PSORS1C1: variants seen among roughly 807,000 people sequenced by gnomAD.
The protein encoded by PSORS1C1 is psoriasis susceptibility 1 candidate 1, also known as psoriasis susceptibility 1 candidate gene 1 protein.
A neutral mutation model predicts 9.4 loss-of-function variants in PSORS1C1; 7 were observed. That is an observed-to-expected ratio of 0.75 (90% confidence interval 0.42 to 1.40). PSORS1C1 has a LOEUF of 1.40. Ranked by LOEUF, PSORS1C1 falls within the 40% of genes most tolerant of loss-of-function variation. PSORS1C1 has a pLI of 0.01. For synonymous variants in PSORS1C1, 63 were observed against 69.4 expected, an observed-to-expected ratio of 0.91 and a Z score of 0.46; for missense variants, 146 against 178.1, an observed-to-expected ratio of 0.82 and a Z score of 1.02.
rs1222664896 is a variant in PSORS1C1, at chr6:31,139,381, T to C, written c.168-260T>C. The C allele has an allele frequency of 3.4e-6, 2 of 591,226 alleles. No individual in the cohort carries two copies. Among genetic ancestry groups the C allele is most frequent in the East Asian group, 2.8e-5 (1 of 36,048 alleles). The allele number at this position is 591,226 out of a possible 1,614,324, so 36.6% of individuals were successfully genotyped here. On this transcript the variant is annotated intron_variant, in intron 5 of 5. Coordinates refer to ENST00000259881, the MANE Select transcript of PSORS1C1 (RefSeq NM_014068.3). This position sits in a 1 kb window ranked among gnomAD's most constrained non-coding sequence, Gnocchi z 5.2. ...TGTCCACCTTCATCCCTTGCAACTA[T>C]TGGAAGCCAAAGAATGGGAGCAAAC...
At chr6:31,116,914 G>A (rs202140058) in intron 1 of PSORS1C1, 4 of 1,614,134 alleles carry the variant, frequency 2.5e-6, no homozygotes, top group African/African-American at 2.7e-5. Flanking sequence ...GCCGGAGTGC[G>A]AGACGATGGG....
chr6:31,138,144 C>T, intron 3 of PSORS1C1: 1 of 1,605,720 alleles, frequency 6.2e-7, no homozygotes, highest in Non-Finnish European at 8.5e-7. Flanking sequence ...CAGGTCTCTC[C>T]AGGGACGACT....
chr6:31,132,316 G>A (rs1772953487), intron 3 of PSORS1C1, among the ~76,000 whole-genome samples: 1 of 152,204 alleles, frequency 6.6e-6, no homozygotes, highest in South Asian at 2.1e-4. Flanking sequence ...GAGGTCAGGA[G>A]TTTGAGACCA....
At chr6:31,132,498 G>C (rs13204986) in intron 3 of PSORS1C1, among the ~76,000 whole-genome samples, 17,799 of 144,658 alleles carry the variant, frequency 0.12, 1,166 homozygotes, top group Middle Eastern at 0.24. Context: ...TTCCAGTCTG[G>C]GCAACGAGAG....
At chr6:31,134,330 T>A (rs1040193011) in intron 3 of PSORS1C1, among the ~76,000 whole-genome samples, 2 of 150,698 alleles carry the variant, frequency 1.3e-5, no homozygotes, top group Non-Finnish European at 3.0e-5. Context: ...TGAGATGGAG[T>A]CTCGCTCTGT....
intron 1 of PSORS1C1, chr6:31,117,489 A>C: frequency 6.4e-7 from 1 of 1,552,188 alleles, no homozygotes; most frequent in Non-Finnish European, 8.7e-7. Flanking sequence ...TGGGGTCCTT[A>C]CAAGGGTCTG....
intron 1 of PSORS1C1, chr6:31,117,183 G>C (rs1456102487): frequency 1.2e-6 from 2 of 1,611,744 alleles, no homozygotes; most frequent in Non-Finnish European, 1.7e-6. Flanking sequence ...AGTGAGAGCC[G>C]CTGTTTCCCG....
In PSORS1C1 at chr6:31,120,464, C is replaced by T. The variant is rs2302397; in HGVS notation, c.-228-5212C>T. The T allele has an allele frequency of 0.74, 1,089,420 of 1,469,224 alleles. 405,680 individuals are homozygous for T. Among genetic ancestry groups the T allele is most frequent in the South Asian group, 0.83 (68,151 of 82,558 alleles). 91.0% of individuals were successfully genotyped at this position (1,469,224 alleles called of 1,614,324 possible). Reference sequence around the variant, plus strand: ...TGACTGATGGCAGCTCAAGGACACCCGGGTCCTTTATGCCAGAGCTGGACA... The same window carrying T: ...TGACTGATGGCAGCTCAAGGACACCTGGGTCCTTTATGCCAGAGCTGGACA... On this transcript the variant is annotated intron_variant, in intron 1 of 5. Transcript: ENST00000259881.
intron 4 of PSORS1C1, 49 bp downstream of exon 4, chr6:31,138,508 C>G: frequency 6.2e-7 from 1 of 1,607,680 alleles, no homozygotes; most frequent in Non-Finnish European, 8.5e-7. Context: ...GAACCCCTAC[C>G]CCCGATGGAT....
At chr6:31,137,469 C>G (rs1424754423) in intron 3 of PSORS1C1, 1 of 155,622 alleles carries the variant, frequency 6.4e-6, no homozygotes, top group Admixed American at 6.5e-5. Flanking sequence ...AAGAAAAAAA[C>G]AAATAAATAA....
chr6:31,136,718 AC>A (rs1773156217), intron 3 of PSORS1C1, among the ~76,000 whole-genome samples: 1 of 152,192 alleles, frequency 6.6e-6, no homozygotes, highest in African/African-American at 2.4e-5. Context: ...TGTTATTGTG[AC>A]TTGCATAGTG....
chr6:31,129,428 C>T lies in PSORS1C1; in HGVS notation c.-64-141C>T. The T allele has an allele frequency of 5.0e-6, 3 of 596,100 alleles. No homozygotes were observed. In the South Asian group the frequency reaches 5.8e-5, roughly 12 times the overall value. The allele number at this position is 596,100 out of a possible 1,614,324, so 36.9% of individuals were successfully genotyped here. A position where few individuals can be genotyped will look rare whatever the true frequency, so the allele number is the denominator to read the frequency against. On this transcript the variant is annotated intron_variant, in intron 2 of 5. Transcript: ENST00000259881. The stretch of plus-strand genomic sequence containing the variant: ...CCTCTGCAAATACCTCCATACCATC[C>T]AGGCCCACTCAGTCTCCTCCCCAGC...
At position 31,139,663 on chromosome 6, in the gene PSORS1C1, A is replaced by G. The variant is rs770578502; in HGVS notation, c.190A>G (p.Met64Val). The change falls in exon 6 of 6, where the codon ATG (methionine) becomes GTG (valine). Residue 64 changes from methionine (M) to valine (V), a missense_variant. Physicochemically the swap from Met to Val is conservative, Grantham distance 21. Coordinates refer to ENST00000259881, the MANE Select transcript of PSORS1C1 (RefSeq NM_014068.3). This position sits in a 1 kb window ranked among gnomAD's most constrained non-coding sequence, Gnocchi z 5.2. ...CAGGCATGCAGGGGACCTCCAAGCA[A>G]TGATATCCAAGGAATTCCATCTGGC... ...HFWHAGDLQA[M>V]ISKEFHLAAT... The G allele has an allele frequency of 3.1e-6, 5 of 1,612,570 alleles. No individual in the cohort carries two copies. The highest frequency in any genetic ancestry group is 4.2e-6 in the Non-Finnish European group (5 of 1,179,664).
chr6:31,121,947 T>G (rs1218887728), intron 1 of PSORS1C1, among the ~76,000 whole-genome samples: 1 of 152,218 alleles, frequency 6.6e-6, no homozygotes, highest in African/African-American at 2.4e-5. Context: ...GCTCTTGACT[T>G]GCTAGTGACA....
chr6:31,116,771 G>A lies in PSORS1C1; in HGVS notation c.-229+1880G>A, dbSNP rs564806482. ...TCTACAGAGGTGATTGGGGGACAGG[G>A]CTTGCCTGGAAGGCCACCATTGCTA... On this transcript the variant is annotated intron_variant, in intron 1 of 5. Transcript: ENST00000259881. The A allele has an allele frequency of 1.2e-5, 20 of 1,613,226 alleles. No individual in the cohort carries two copies. The East Asian group carries it at 3.6e-4, about 29-fold the overall frequency.
intron 1 of PSORS1C1, chr6:31,117,603 G>A: frequency 7.5e-7 from 1 of 1,331,044 alleles, no homozygotes; most frequent in Non-Finnish European, 1.1e-6. Flanking sequence ...CCTTATCTCA[G>A]TCATCGGCCT....
intron 3 of PSORS1C1, chr6:31,138,185 AG>A (rs747331656): frequency 1.3e-6 from 2 of 1,580,912 alleles, no homozygotes; most frequent in Non-Finnish European, 1.7e-6. Context: ...CTTCAAAGAG[AG>A]GGGGTGCCCC....
chr6:31,134,495 C>T (rs1047212881), intron 3 of PSORS1C1, among the ~76,000 whole-genome samples: 26 of 151,976 alleles, frequency 1.7e-4, no homozygotes, highest in Non-Finnish European at 2.8e-4. Context: ...TTAGTAGAGA[C>T]TGGGTTTCAC....
intron 3 of PSORS1C1, chr6:31,137,911 C>A (rs1343294226): frequency 1.9e-6 from 2 of 1,032,152 alleles, no homozygotes; most frequent in Non-Finnish European, 2.7e-6. Flanking sequence ...GGCGTGGGTG[C>A]CTGGAGATGC....
Sources: allele counts gnomAD v4.1 joint callset (sites outside exome capture counted in the v4.1 genomes callset), GRCh38; gene constraint gnomAD v4.1.1; non-coding constraint Gnocchi (gnomAD v3.1); transcripts MANE v1.5; gene names NCBI Gene and HGNC (gene_info 2026-07-23, HGNC 2026-07-21).